Variants in FRMPD3 observed in about 807,000 individuals in gnomAD.
FRMPD3 encodes the protein FERM and PDZ domain containing 3.
A neutral mutation model predicts 97.9 loss-of-function variants in FRMPD3; 42 were observed. That is an observed-to-expected ratio of 0.43 (90% CI 0.34 to 0.55). The LOEUF is 0.55. Ranked by LOEUF, FRMPD3 falls within the 20% of genes least tolerant of loss-of-function variation. FRMPD3 has a pLI of 0.03. For missense variants in FRMPD3, 1,303 were observed against 1,457.7 expected (o/e 0.89, Z 1.73); for synonymous variants, 577 against 581.1 (o/e 0.99, Z 0.10).
Position 107,604,849 on chromosome X carries a change from G to A in FRMPD3, c.*1476G>A, listed in dbSNP as rs909425065. 4.5e-5 allele frequency: 5 copies of A among 110,541 alleles called. No individual in the cohort carries two copies. The highest frequency in any genetic ancestry group is 1.3e-4 in the African/African-American group (4 of 30,330). The allele number at this position is 110,541 out of a possible 1,213,427, so 9.1% of individuals were successfully genotyped here. ...GCTTAATCCCTGCCCATCCTTGGTA[G>A]CCCCTAGTGCAATAAAGTCTCCCTG... is the stretch of plus-strand genomic sequence containing the variant. On this transcript the variant is annotated 3_prime_UTR_variant, in exon 15 of 15. Transcript: ENST00000683843.
chrX:107,565,322 C>T (rs755542184), intron 12 of FRMPD3, among the ~76,000 whole-genome samples: 2 of 111,823 alleles, frequency 1.8e-5, no homozygotes, highest in South Asian at 7.5e-4. Context: ...TTCTTCAGCA[C>T]AGGGCAGGGA....
intron 4 of FRMPD3, chrX:107,545,166 C>T (rs1035105782): frequency 8.9e-6 from 1 of 112,032 alleles, no homozygotes; most frequent in African/African-American, 3.2e-5. Context: ...GAGCCCAAAA[C>T]TAGAAAGCCA....
At chrX:107,533,650 T>C (rs999144655) in intron 4 of FRMPD3, 100 bp downstream of exon 4, 56 of 725,717 alleles carry the variant, frequency 7.7e-5, no homozygotes, top group Non-Finnish European at 1.1e-4. Context: ...GTTCAGAGAC[T>C]ACAACCAACA....
intron 8 of FRMPD3, among the ~76,000 whole-genome samples, chrX:107,558,706 CAG>C (rs1922213125): frequency 9.0e-6 from 1 of 111,584 alleles, no homozygotes; most frequent in African/African-American, 3.3e-5. Context: ...TAGTTTGAGA[CAG>C]AGTCTCGCTC....
In FRMPD3 at chrX:107,545,685, T is replaced by C. The variant is rs113554592; in HGVS notation, c.298-52T>C. 1.1e-3 allele frequency: 1,174 copies of C among 1,027,119 alleles called. 15 individuals carry two copies. The African/African-American group carries it at 0.02, about 17-fold the overall frequency. The allele number at this position is 1,027,119 out of a possible 1,213,427, so 84.6% of individuals were successfully genotyped here. ...CATCTTAACTCTGACGTGACAAAGG[T>C]TAGGCTTTCCCTAGATATGGAGAAC... On this transcript the variant is annotated intron_variant, in intron 4 of 14. Coordinates refer to ENST00000683843, the MANE Select transcript of FRMPD3 (RefSeq NM_001388459.1).
chrX:107,512,831 C>T (rs920577901), intron 1 of FRMPD3, among the ~76,000 whole-genome samples: 7 of 112,375 alleles, frequency 6.2e-5, no homozygotes, highest in African/African-American at 2.3e-4. Flanking sequence ...GCAAGGATCT[C>T]CCCACTAATT....
intron 1 of FRMPD3, among the ~76,000 whole-genome samples, chrX:107,475,139 A>C (rs1427805759): frequency 9.0e-6 from 1 of 111,667 alleles, no homozygotes; most frequent in African/African-American, 3.3e-5. Context: ...TGGAACACAG[A>C]TGCATTACAC....
intron 1 of FRMPD3, among the ~76,000 whole-genome samples, chrX:107,506,749 G>C (rs972264540): frequency 2.7e-5 from 3 of 112,273 alleles, no homozygotes; most frequent in Admixed American, 9.3e-5. Flanking sequence ...GGCAGCAGAC[G>C]CCGTGTTTAC....
intron 1 of FRMPD3, among the ~76,000 whole-genome samples, chrX:107,451,599 G>C (rs1486725201): frequency 8.9e-6 from 1 of 112,730 alleles, no homozygotes; most frequent in African/African-American, 3.2e-5. Flanking sequence ...TGAGCAAAGA[G>C]ATCTTGCTCT....
At chrX:107,554,070 G>A (rs1272313636) in intron 7 of FRMPD3, among the ~76,000 whole-genome samples, 1 of 111,730 alleles carries the variant, frequency 9.0e-6, no homozygotes, top group Non-Finnish European at 1.9e-5. Context: ...GAAAAGAGGA[G>A]TCTGAGCCAT....
chrX:107,473,418 G>C (rs1212202330), intron 1 of FRMPD3, among the ~76,000 whole-genome samples: 3 of 111,201 alleles, frequency 2.7e-5, no homozygotes, highest in Non-Finnish European at 5.7e-5. Context: ...TGCCAGGTTT[G>C]CCTTTGCGGG....
chrX:107,559,002 A>ATT (rs34486203), intron 8 of FRMPD3, among the ~76,000 whole-genome samples: 47 of 92,316 alleles, frequency 5.1e-4, no homozygotes, highest in Admixed American at 8.6e-4. Flanking sequence ...CACTATAGCA[A>ATT]TTTTTTTTTT....
chrX:107,492,485 A>G (rs1921684500), intron 1 of FRMPD3, among the ~76,000 whole-genome samples: 2 of 111,857 alleles, frequency 1.8e-5, no homozygotes, highest in African/African-American at 6.5e-5. Context: ...CTGGGTACCA[A>G]TGAGTTTGAT....
intron 1 of FRMPD3, among the ~76,000 whole-genome samples, chrX:107,459,922 C>G (rs1931439673): frequency 9.0e-6 from 1 of 111,390 alleles, no homozygotes; most frequent in Non-Finnish European, 1.9e-5. Context: ...CACACACACA[C>G]ACACACACAC....
intron 1 of FRMPD3, among the ~76,000 whole-genome samples, chrX:107,473,002 C>T (rs1921103733): frequency 1.8e-5 from 2 of 112,496 alleles, no homozygotes; most frequent in African/African-American, 3.2e-5. Flanking sequence ...AGGGGCAGGT[C>T]TCTCCTGGAA....
intron 13 of FRMPD3, among the ~76,000 whole-genome samples, chrX:107,594,706 A>AC (rs1157578514): frequency 9.0e-6 from 1 of 110,871 alleles, no homozygotes; most frequent in Non-Finnish European, 1.9e-5. Context: ...ACATGGTGAA[A>AC]CCCCATCTCT....
At chrX:107,550,238 G>A in intron 6 of FRMPD3, 82 bp downstream of exon 6, 1 of 644,419 alleles carries the variant, frequency 1.6e-6, no homozygotes. Context: ...CTCTGAGTCT[G>A]CACATAGCTG....
intron 4 of FRMPD3, among the ~76,000 whole-genome samples, chrX:107,544,322 C>A (rs987787838): frequency 2.7e-5 from 3 of 111,497 alleles, no homozygotes; most frequent in African/African-American, 9.8e-5. Flanking sequence ...ATCTATTGCA[C>A]AGCATGATGA....
chrX:107,485,099 T>TA (rs1389723456), intron 1 of FRMPD3, among the ~76,000 whole-genome samples: 1 of 112,820 alleles, frequency 8.9e-6, no homozygotes, highest in Admixed American at 9.3e-5. Flanking sequence ...TGAACTCTCT[T>TA]GGAAAGAACC....
Sources: allele counts gnomAD v4.1 joint callset (sites outside exome capture counted in the v4.1 genomes callset), GRCh38; gene constraint gnomAD v4.1.1; transcripts MANE v1.5; gene names NCBI Gene and HGNC (gene_info 2026-07-23, HGNC 2026-07-21).